AP3D1: variants seen among roughly 807,000 people sequenced by gnomAD.
The protein encoded by AP3D1 is AP-3 complex subunit delta-1.
A neutral mutation model predicts 147.6 loss-of-function variants in AP3D1; 51 were observed. The ratio of observed to expected loss-of-function variants is 0.35; its 90% confidence interval spans 0.28 to 0.44. The LOEUF (loss-of-function observed/expected upper bound fraction) is 0.44. AP3D1 is among the 20% of genes least tolerant of loss of function. The pLI is 1.00. For missense variants in AP3D1, 1,421 were observed against 1,624.2 expected (o/e 0.87, Z 2.15); for synonymous variants, 760 against 663.0 (o/e 1.15, Z -2.25).
At chr19:2,115,736 A>G in intron 18 of AP3D1, 123 bp from the exon 19 acceptor site, 1 of 1,054,640 alleles carries the variant, frequency 9.5e-7, no homozygotes, top group African/African-American at 1.6e-5. Flanking sequence ...GTCCTGCCAG[A>G]GCCCTGGGCC....
At chr19:2,155,253 A>T (rs2019635370), upstream of AP3D1, among the ~76,000 whole-genome samples, 1 of 151,334 alleles carries the variant, frequency 6.6e-6, no homozygotes, top group Non-Finnish European at 1.5e-5. Flanking sequence ...CCATCTACTC[A>T]GGGAGGCTGA....
In AP3D1 at chr19:2,127,197, A is replaced by T; in HGVS notation, c.811T>A (p.Ser271Thr). The change falls in exon 9 of 32, where the codon TCT (serine) becomes ACT (threonine). Residue 271 changes from serine to threonine, a missense_variant. Transcript: ENST00000643116. ...EPLTNLIHST[S>T]AMSLLYECVN... The stretch of plus-strand genomic sequence containing the variant: ...CATTCATAGAGGAGAGACATGGCAG[A>T]CGTGCTAAGGAAAGGAACACAGGGA... 1 of 1,613,874 alleles carries T rather than the reference A, an allele frequency of 6.2e-7. No homozygotes were observed. The highest frequency in any genetic ancestry group is 2.2e-5 in the East Asian group (1 of 44,888).
chr19:2,108,848 G>A (rs1276245842), intron 30 of AP3D1, 82 bp from the exon 31 acceptor site: 20 of 1,453,596 alleles, frequency 1.4e-5, no homozygotes, highest in Non-Finnish European at 1.9e-5. Flanking sequence ...CACCTTCTTG[G>A]GCTGCCCTTG....
chr19:2,118,457 C>T (rs2018518021), intron 15 of AP3D1, 144 bp downstream of exon 15: 2 of 824,764 alleles, frequency 2.4e-6, no homozygotes, highest in Non-Finnish European at 3.7e-6. Flanking sequence ...AACCCCAAAC[C>T]CCAGCTGGCA....
intron 14 of AP3D1, among the ~76,000 whole-genome samples, chr19:2,119,968 AG>A (rs1466925810): frequency 5.9e-5 from 9 of 152,288 alleles, no homozygotes; most frequent in African/African-American, 2.2e-4. Context: ...GGGGAAAAAA[AG>A]AAAATGACAG....
intron 4 of AP3D1, among the ~76,000 whole-genome samples, chr19:2,135,870 G>C (rs1170894887): frequency 1.3e-5 from 2 of 152,008 alleles, no homozygotes; most frequent in Non-Finnish European, 2.9e-5. Flanking sequence ...AGGGCGGCTG[G>C]AGCCCTCCAC....
chr19:2,115,133 T>G, intron 20 of AP3D1, 86 bp downstream of exon 20: 1 of 1,389,320 alleles, frequency 7.2e-7, no homozygotes, highest in Non-Finnish European at 9.9e-7. Flanking sequence ...ACGAAGACCA[T>G]GGGGAGAGGC....
chr19:2,110,086 G>A (rs752474782), intron 28 of AP3D1, 50 bp downstream of exon 28: 24 of 1,581,956 alleles, frequency 1.5e-5, no homozygotes, highest in Non-Finnish European at 1.9e-5. Flanking sequence ...GGCAGGAGGA[G>A]CCCCTGCCTG....
rs759930199 is a variant in AP3D1, at chr19:2,109,096, G to A, written c.3462C>T (p.His1154=). 6.2e-7 allele frequency: 1 copy of A among 1,608,104 alleles called. No individual in the cohort carries two copies. The highest frequency in any genetic ancestry group is 1.1e-5 in the South Asian group (1 of 90,088). The change falls in exon 30 of 32, where the codon CAC becomes CAT. Residue 1154 remains histidine, a synonymous_variant. Transcript: ENST00000643116. ...QNLLAKICFH[H]HFSVVERVDS... ...CCTCACTCTCCTTACCGGAAAAATG[G>A]TGGTGAAAACAGATCTTCGCCAGAA... is the stretch of plus-strand genomic sequence containing the variant.
intron 5 of AP3D1, among the ~76,000 whole-genome samples, chr19:2,132,090 T>C (rs1399720500): frequency 6.6e-6 from 1 of 152,036 alleles, no homozygotes; most frequent in Non-Finnish European, 1.5e-5. Flanking sequence ...GGCGTAGCCT[T>C]TGACAAGCAG....
chr19:2,114,814 A>G lies in AP3D1; in HGVS notation c.2357T>C (p.Leu786Pro). The G allele has an allele frequency of 1.2e-6, 2 of 1,613,960 alleles. No homozygotes were observed. Among genetic ancestry groups the G allele is most frequent in the Non-Finnish European group, 1.7e-6 (2 of 1,179,894 alleles). The part of the protein sequence containing the change: ...IVTEEMPENA[L>P]PSDEDDKDPN... The stretch of plus-strand genomic sequence containing the variant: ...GTCTTTGTCATCCTCGTCGCTGGGC[A>G]GAGCATTCTGACAGGAAGAGAGGAA... Residue 786 changes from leucine (L) to proline (P), a missense_variant, in exon 21 of 32, where the codon CTG (leucine) becomes CCG (proline). By Grantham distance (98) the Leu-to-Pro change is moderately conservative. Transcript: ENST00000643116.
chr19:2,113,424 A>C lies in AP3D1; in HGVS notation c.2602-11T>G. 1 of 1,455,146 alleles carries C rather than the reference A, an allele frequency of 6.9e-7. No individual in the cohort carries two copies. The highest frequency in any genetic ancestry group is 9.1e-7 in the Non-Finnish European group (1 of 1,102,708). 90.1% of individuals were successfully genotyped at this position (1,455,146 alleles called of 1,614,324 possible). A position where few individuals can be genotyped will look rare whatever the true frequency, so the allele number is the denominator to read the frequency against. ...GTCCAGGTCCTCAGCCTGAAACCAC[A>C]AGACAGGCTGTCAGCAAACGCAGTG... On this transcript the variant is annotated splice_polypyrimidine_tract_variant and intron_variant, in intron 22 of 31. Coordinates refer to ENST00000643116, the MANE Select transcript of AP3D1 (RefSeq NM_001261826.3).
Position 2,102,112 on chromosome 19 carries a change from G to T in AP3D1, c.*61C>A. 1 of 1,375,386 alleles carries T rather than the reference G, an allele frequency of 7.3e-7. No individual in the cohort carries two copies. The highest frequency in any genetic ancestry group is 1.4e-5 in the African/African-American group (1 of 70,184). 85.2% of individuals were successfully genotyped at this position (1,375,386 alleles called of 1,614,324 possible). A position where few individuals can be genotyped will look rare whatever the true frequency, so the allele number is the denominator to read the frequency against. ...ACACGACTGAGGAGAGGCGAGACAC[G>T]TCAGGGCTGCGGTCCCTGGGTACGT... On this transcript the variant is annotated 3_prime_UTR_variant, in exon 32 of 32. Coordinates refer to ENST00000643116, the MANE Select transcript of AP3D1 (RefSeq NM_001261826.3).
At chr19:2,158,579 A>T (rs2019668231) in intron 1 of AP3D1, among the ~76,000 whole-genome samples, 2 of 151,098 alleles carry the variant, frequency 1.3e-5, no homozygotes, top group Admixed American at 6.6e-5. Flanking sequence ...AAGTGCTAGG[A>T]TTACAAGCCT....
intron 9 of AP3D1, among the ~76,000 whole-genome samples, chr19:2,126,120 ACT>A (rs2018748329): frequency 2.0e-5 from 3 of 149,246 alleles, no homozygotes; most frequent in African/African-American, 5.1e-5. Context: ...ACGGGGTCTC[ACT>A]CTGTCTGCAG....
chr19:2,116,957 C>T (rs1357129363), intron 16 of AP3D1: 2 of 835,050 alleles, frequency 2.4e-6, no homozygotes, highest in Non-Finnish European at 3.5e-6. Flanking sequence ...AGTGGGGCCC[C>T]CACGGCAGGC....
At chr19:2,148,965 T>A (rs2019434523) in intron 1 of AP3D1, among the ~76,000 whole-genome samples, 1 of 152,116 alleles carries the variant, frequency 6.6e-6, no homozygotes, top group Non-Finnish European at 1.5e-5. Context: ...ATACGGTCTA[T>A]AGGATAGCTG....
Position 2,141,739 on chromosome 19 carries a change from C to CT in AP3D1, c.97-3026dup, listed in dbSNP as rs376543698. ...ACAGGCGTGAGCCACCATGCCCGGC[C>CT]TTTTTTTTTTCTTTTATTGAGATAG... On this transcript the variant is annotated intron_variant, in intron 1 of 31. Coordinates refer to ENST00000643116, the MANE Select transcript of AP3D1 (RefSeq NM_001261826.3). Among the ~76,000 whole-genome samples, 111 of 147,458 alleles carry CT rather than the reference C, an allele frequency of 7.5e-4. 1 individual carries two copies. The South Asian group carries it at 0.016, about 22-fold the overall frequency.
At chr19:2,159,546 T>C (rs574316604) in intron 1 of AP3D1, among the ~76,000 whole-genome samples, 1 of 150,544 alleles carries the variant, frequency 6.6e-6, no homozygotes, top group Non-Finnish European at 1.5e-5. Context: ...CCGCCACAGC[T>C]CCCGGCTAAT....
Sources: allele counts gnomAD v4.1 joint callset (sites outside exome capture counted in the v4.1 genomes callset), GRCh38; gene constraint gnomAD v4.1.1; transcripts MANE v1.5; gene names NCBI Gene and HGNC (gene_info 2026-07-23, HGNC 2026-07-21).